HS6ST3: variants seen among roughly 807,000 people sequenced by gnomAD.
HS6ST3 encodes heparan sulfate 6-O-sulfotransferase 3, also known as heparan-sulfate 6-O-sulfotransferase 3.
HS6ST3 carries 12 observed loss-of-function variants against 36.7 expected under a neutral mutation model. That is an observed-to-expected ratio of 0.33 (90% CI 0.21 to 0.53). The LOEUF (loss-of-function observed/expected upper bound fraction) is 0.53. Ranked by LOEUF, HS6ST3 falls within the 20% of genes least tolerant of loss-of-function variation. The pLI is 0.95. For missense variants in HS6ST3, 584 were observed against 640.9 expected (o/e 0.91, Z 0.96); for synonymous variants, 240 against 257.5 (o/e 0.93, Z 0.65).
At chr13:96,741,520 C>T (rs1355663406) in intron 1 of HS6ST3, among the ~76,000 whole-genome samples, 15 of 152,110 alleles carry the variant, frequency 9.9e-5, no homozygotes, top group Admixed American at 9.8e-4. Flanking sequence ...CTACCTACTC[C>T]AATGTGGCAA....
rs10632047 is a variant in HS6ST3 at position 96,491,472 on chromosome 13, C to CAAA, written c.708-341002_708-341000dup. On this transcript the variant is annotated intron_variant, in intron 1 of 1. Transcript: ENST00000376705. ...ACTTTATAATTGTAGTACTAATGTGCAAAAAAAAAAAAAAAAAATACCCAG... is the reference window on the plus strand; with the variant it reads ...ACTTTATAATTGTAGTACTAATGTGCAAAAAAAAAAAAAAAAAAAAATACCCAG... 4.2e-3 allele frequency among the ~76,000 whole-genome samples: 521 copies of CAAA among 123,632 alleles called. 7 individuals carry two copies. The highest frequency in any genetic ancestry group is 0.014 in the African/African-American group (450 of 31,202). The allele number at this position is 123,632 out of a possible 152,430, so 81.1% of individuals were successfully genotyped here.
intron 1 of HS6ST3, chr13:96,574,198 T>A: frequency 1.9e-6 from 1 of 513,154 alleles, no homozygotes; most frequent in South Asian, 1.5e-5. Flanking sequence ...TTTTCTGCTC[T>A]GTCTCCCTCC....
At chr13:96,196,920 C>T (rs1156858064) in intron 1 of HS6ST3, among the ~76,000 whole-genome samples, 2 of 152,212 alleles carry the variant, frequency 1.3e-5, no homozygotes, top group Non-Finnish European at 2.9e-5. Flanking sequence ...TAGGAAGTGC[C>T]TTCCTTACTC....
chr13:96,341,918 A>G (rs914242295), intron 1 of HS6ST3, among the ~76,000 whole-genome samples: 1 of 152,142 alleles, frequency 6.6e-6, no homozygotes, highest in African/African-American at 2.4e-5. Flanking sequence ...TAGTGTGCCT[A>G]TTGTAATTTA....
chr13:96,554,472 C>A (rs2056231842), intron 1 of HS6ST3, among the ~76,000 whole-genome samples: 1 of 152,054 alleles, frequency 6.6e-6, no homozygotes, highest in Non-Finnish European at 1.5e-5. Context: ...GACAGAAGTC[C>A]CCTGTGTCTG....
chr13:96,782,335 A>G (rs1159823124), intron 1 of HS6ST3, among the ~76,000 whole-genome samples: 3 of 152,190 alleles, frequency 2.0e-5, no homozygotes, highest in Non-Finnish European at 2.9e-5. Context: ...CCATGAACAC[A>G]TCAGACCAGT....
chr13:96,808,666 A>G (rs1878251272), intron 1 of HS6ST3, among the ~76,000 whole-genome samples: 1 of 152,176 alleles, frequency 6.6e-6, no homozygotes, highest in Non-Finnish European at 1.5e-5. Context: ...GAAAATGCAG[A>G]AGTGAAAGCA....
chr13:96,790,882 T>C (rs1877771375), intron 1 of HS6ST3, among the ~76,000 whole-genome samples: 1 of 152,010 alleles, frequency 6.6e-6, no homozygotes, highest in Non-Finnish European at 1.5e-5. Flanking sequence ...TGATAAATGT[T>C]TACCTAAACA....
intron 1 of HS6ST3, among the ~76,000 whole-genome samples, chr13:96,407,397 C>G (rs1263854818): frequency 2.6e-5 from 4 of 152,202 alleles, no homozygotes; most frequent in Non-Finnish European, 5.9e-5. Context: ...TTTAACTTTA[C>G]TAAGTCTTGG....
At position 96,687,115 on chromosome 13, in the gene HS6ST3, G is replaced by T. The variant is rs563850640; in HGVS notation, c.708-145375G>T. 1.1e-4 allele frequency among the ~76,000 whole-genome samples: 16 copies of T among 151,246 alleles called. No individual in the cohort carries two copies. In the South Asian group the frequency reaches 3.3e-3, roughly 32 times the overall value. ...CTTTTTTTTTTTTTTTACAAATATG[G>T]TGGCAAAATGTTCATTTTGTGAATA... is the stretch of plus-strand genomic sequence containing the variant. On this transcript the variant is annotated intron_variant, in intron 1 of 1. Transcript: ENST00000376705.
chr13:96,366,519 A>G (rs995428458), intron 1 of HS6ST3, among the ~76,000 whole-genome samples: 3 of 152,008 alleles, frequency 2.0e-5, no homozygotes, highest in Non-Finnish European at 4.4e-5. Context: ...CCTAGAGTTC[A>G]AGGCCCATGC....
chr13:96,147,694 A>C (rs552142319), intron 1 of HS6ST3, among the ~76,000 whole-genome samples: 12 of 152,332 alleles, frequency 7.9e-5, no homozygotes, highest in African/African-American at 2.9e-4. Context: ...TGTCCTGTCC[A>C]GGGCTGGTTC....
At chr13:96,623,794 T>C (rs1400949243) in intron 1 of HS6ST3, among the ~76,000 whole-genome samples, 3 of 152,136 alleles carry the variant, frequency 2.0e-5, no homozygotes. Flanking sequence ...AAATGGAAAG[T>C]GGAACACTGA....
chr13:96,729,258 G>C (rs953949461), intron 1 of HS6ST3, among the ~76,000 whole-genome samples: 2 of 152,050 alleles, frequency 1.3e-5, no homozygotes, highest in African/African-American at 4.8e-5. Flanking sequence ...TCTAAGCACA[G>C]AACCTTCACA....
intron 1 of HS6ST3, among the ~76,000 whole-genome samples, chr13:96,754,826 C>A (rs972229510): frequency 6.6e-6 from 1 of 151,986 alleles, no homozygotes; most frequent in African/African-American, 2.4e-5. Flanking sequence ...GTATGGATTT[C>A]TTTACATTTA....
intron 1 of HS6ST3, among the ~76,000 whole-genome samples, chr13:96,662,977 T>C (rs1253842920): frequency 2.6e-5 from 4 of 152,164 alleles, no homozygotes; most frequent in Admixed American, 6.5e-5. Context: ...CTCTCTGTTC[T>C]TTCAGGTAGT....
At chr13:96,515,572 G>T (rs1229854657) in intron 1 of HS6ST3, among the ~76,000 whole-genome samples, 1 of 152,062 alleles carries the variant, frequency 6.6e-6, no homozygotes, top group Non-Finnish European at 1.5e-5. Flanking sequence ...CTCTGATATG[G>T]TTGGCTGTGG....
At chr13:96,750,321 GAT>G (rs1465985310) in intron 1 of HS6ST3, among the ~76,000 whole-genome samples, 7 of 152,210 alleles carry the variant, frequency 4.6e-5, no homozygotes, top group Non-Finnish European at 5.9e-5. Flanking sequence ...TAAGAAACGT[GAT>G]ATTACATGTG....
At chr13:96,427,960 A>C (rs570219349) in intron 1 of HS6ST3, among the ~76,000 whole-genome samples, 1 of 152,320 alleles carries the variant, frequency 6.6e-6, no homozygotes, top group South Asian at 2.1e-4. Flanking sequence ...TTTGGCAACA[A>C]TACCATAGAA....
Sources: allele counts gnomAD v4.1 joint callset (sites outside exome capture counted in the v4.1 genomes callset), GRCh38; gene constraint gnomAD v4.1.1; transcripts MANE v1.5; gene names NCBI Gene and HGNC (gene_info 2026-07-23, HGNC 2026-07-21).